Variants in SLK observed in about 807,000 individuals in gnomAD.
SLK encodes STE20 like kinase.
In SLK, 67 loss-of-function variants were observed where a neutral mutation model predicts 147.7. The ratio of observed to expected loss-of-function variants is 0.45; its 90% CI spans 0.37 to 0.56. The LOEUF is 0.56. SLK is among the 20% of genes least tolerant of loss of function. The pLI, the probability that SLK is intolerant of heterozygous loss-of-function variation, is 0.00. For synonymous variants in SLK, 441 were observed against 475.0 expected (o/e 0.93, Z 0.93); for missense variants, 1,136 against 1,438.8 (o/e 0.79, Z 3.41).
In SLK at chr10:104,003,135, G is replaced by A. The variant is rs1356860833; in HGVS notation, c.1957G>A (p.Val653Ile). ...GTCAAGTAGCACTGAAGAAATGGAG[G>A]TCAGAAGTGTGGTGGCTGATACTGA... is the stretch of plus-strand genomic sequence containing the variant. ...TESSSTEEME[V>I]RSVVADTDQK... The change falls in exon 9 of 19, where the codon GTC becomes ATC. Residue 653 changes from valine (V) to isoleucine (I), a missense_variant. Val to Ile is a conservative substitution (Grantham distance 29). Transcript: ENST00000369755. The A allele has an allele frequency of 6.2e-7, 1 of 1,614,122 alleles. No individual in the cohort carries two copies. Among genetic ancestry groups the A allele is most frequent in the Admixed American group, 1.7e-5 (1 of 60,020 alleles).
At chr10:104,017,936 T>G (rs998022157) in intron 13 of SLK, among the ~76,000 whole-genome samples, 1 of 152,196 alleles carries the variant, frequency 6.6e-6, no homozygotes, top group Admixed American at 6.5e-5. Flanking sequence ...GTATGTATCC[T>G]TCTTAGTGAG....
chr10:103,974,193 A>G (rs1843829711), intron 1 of SLK, among the ~76,000 whole-genome samples: 1 of 152,000 alleles, frequency 6.6e-6, no homozygotes, highest in South Asian at 2.1e-4. Flanking sequence ...TCCACCCACC[A>G]CTTCCCCCAA....
intron 18 of SLK, 57 bp downstream of exon 18, chr10:104,021,790 T>G: frequency 1.1e-6 from 1 of 902,434 alleles, no homozygotes; most frequent in Non-Finnish European, 1.8e-6. Context: ...TCTACCCAGC[T>G]ATTGGCTCTT....
intron 1 of SLK, among the ~76,000 whole-genome samples, chr10:103,968,732 CTT>C (rs1416736239): frequency 6.6e-6 from 1 of 152,126 alleles, no homozygotes; most frequent in African/African-American, 2.4e-5. Flanking sequence ...AAGAAAATAA[CTT>C]ATGTTTATAC....
rs144700519 is a variant in SLK at position 103,981,862 on chromosome 10, A to G, written c.151-8813A>G. Among the ~76,000 whole-genome samples, 71 of 152,278 alleles carry G rather than the reference A, an allele frequency of 4.7e-4. No homozygotes were observed. The East Asian group carries it at 0.013, about 28-fold the overall frequency. On this transcript the variant is annotated intron_variant, in intron 1 of 18. Transcript: ENST00000369755. ...TGGGATAGGGTTTTCTATTACTGCA[A>G]AAAATGTCATTGAGATTTTGATAGG... is the stretch of plus-strand genomic sequence containing the variant.
At chr10:104,010,761 G>A in intron 12 of SLK, 55 bp from the exon 13 acceptor site, 1 of 1,153,820 alleles carries the variant, frequency 8.7e-7, no homozygotes, top group Non-Finnish European at 1.2e-6. Flanking sequence ...TCTCATAAAT[G>A]CTTGCTGTGG....
intron 1 of SLK, among the ~76,000 whole-genome samples, chr10:103,982,030 C>T (rs957602982): frequency 6.6e-6 from 1 of 152,030 alleles, no homozygotes; most frequent in Non-Finnish European, 1.5e-5. Flanking sequence ...TTGTACAAGT[C>T]TTTCATCTCC....
chr10:104,005,821 C>T lies in SLK; in HGVS notation c.2481-91C>T, dbSNP rs547487597. The T allele has an allele frequency of 5.7e-5, 86 of 1,507,940 alleles. No homozygotes were observed. The African/African-American group carries it at 8.8e-4, about 15-fold the overall frequency. The allele number at this position is 1,507,940 out of a possible 1,614,324, so 93.4% of individuals were successfully genotyped here. On this transcript the variant is annotated intron_variant, in intron 10 of 18. Transcript: ENST00000369755. ...TTTATTCTTTTACTACCGTTCCACT[C>T]GAAAGAAAATTTTTAAAGCTTTAAA...
At chr10:104,010,737 T>C (rs1375064656) in intron 12 of SLK, 79 bp from the exon 13 acceptor site, 1 of 846,372 alleles carries the variant, frequency 1.2e-6, no homozygotes, top group Non-Finnish European at 1.7e-6. Flanking sequence ...ATATTTGACT[T>C]GTAGCTTATC....
intron 13 of SLK, among the ~76,000 whole-genome samples, chr10:104,016,167 A>C (rs536495309): frequency 1.6e-4 from 24 of 152,144 alleles, no homozygotes; most frequent in Admixed American, 1.4e-3. Context: ...AAAATACAAA[A>C]AATTAGCTGG....
chr10:104,010,675 C>T, intron 12 of SLK, 141 bp from the exon 13 acceptor site: 1 of 451,164 alleles, frequency 2.2e-6, no homozygotes, highest in Non-Finnish European at 3.9e-6. Flanking sequence ...TCTTTTTCAC[C>T]AGACTAACAC....
chr10:104,014,029 C>T (rs115569407), intron 13 of SLK, among the ~76,000 whole-genome samples: 1,613 of 152,206 alleles, frequency 0.011, 24 homozygotes, highest in African/African-American at 0.037. Context: ...ACTTTTAACA[C>T]GGTGTTCTGT....
Position 104,028,051 on chromosome 10 carries a change from G to T in SLK, c.*2331G>T, listed in dbSNP as rs913887701. The T allele has an allele frequency of 1.3e-5, 2 of 152,084 alleles. No individual in the cohort carries two copies. The highest frequency in any genetic ancestry group is 2.9e-5 in the Non-Finnish European group (2 of 68,008). The allele number at this position is 152,084 out of a possible 1,614,324, so 9.4% of individuals were successfully genotyped here. A position where few individuals can be genotyped will look rare whatever the true frequency, so the allele number is the denominator to read the frequency against. On this transcript the variant is annotated 3_prime_UTR_variant, in exon 19 of 19. Coordinates refer to ENST00000369755, the MANE Select transcript of SLK (RefSeq NM_014720.4). ...CAAAAAGTGTTTTGTTATAAAATACGCTGTTTGTACCCATACCAGCCCACC... is the reference window on the plus strand; with the variant it reads ...CAAAAAGTGTTTTGTTATAAAATACTCTGTTTGTACCCATACCAGCCCACC...
At position 104,003,029 on chromosome 10, in the gene SLK, G is replaced by A. The variant is rs1015484849; in HGVS notation, c.1851G>A (p.Lys617=). 21 of 1,613,732 alleles carry A rather than the reference G, an allele frequency of 1.3e-5. No individual in the cohort carries two copies. Among genetic ancestry groups the A allele is most frequent in the Non-Finnish European group, 1.8e-5 (21 of 1,179,834 alleles). ...ATGAAATAGAAGAAGGTAAAAATAAGGAACAAGCAATAAACAGTTCAGAGA... is the reference window on the plus strand; with the variant it reads ...ATGAAATAGAAGAAGGTAAAAATAAAGAACAAGCAATAAACAGTTCAGAGA... ...EMNEIEEGKN[K]EQAINSSENI... Residue 617 remains lysine, a synonymous_variant, in exon 9 of 19, where the codon AAG becomes AAA. Transcript: ENST00000369755.
chr10:104,016,504 C>A (rs919688926), intron 13 of SLK, among the ~76,000 whole-genome samples: 4 of 151,934 alleles, frequency 2.6e-5, no homozygotes, highest in Admixed American at 2.6e-4. Flanking sequence ...TTTAAATATT[C>A]ATTGAAAATT....
At chr10:103,983,960 C>G (rs2134457474) in intron 1 of SLK, among the ~76,000 whole-genome samples, 1 of 152,284 alleles carries the variant, frequency 6.6e-6, no homozygotes, top group African/African-American at 2.4e-5. Context: ...AATCTTTTCC[C>G]TTTGTTCCCA....
rs368524243 is a variant in SLK, at chr10:103,993,139, T to G, written c.514+6T>G. 3 of 1,584,100 alleles carry G rather than the reference T, an allele frequency of 1.9e-6. No individual in the cohort carries two copies. On this transcript the variant is annotated splice_donor_region_variant and intron_variant, in intron 4 of 18. Transcript: ENST00000369755. ...AGATGGAGATATCAAATTGGGTAAG[T>G]TATTCACTTAAATAAAACATTAGAA... is the stretch of plus-strand genomic sequence containing the variant.
intron 1 of SLK, among the ~76,000 whole-genome samples, chr10:103,982,622 A>T (rs1471051858): frequency 6.6e-6 from 1 of 152,188 alleles, no homozygotes; most frequent in African/African-American, 2.4e-5. Flanking sequence ...GATCCTCATT[A>T]TTTGCAGATT....
In SLK at chr10:104,001,644, A is replaced by G. The variant is rs557343242; in HGVS notation, c.993+72A>G. 23 of 1,550,194 alleles carry G rather than the reference A, an allele frequency of 1.5e-5. No homozygotes were observed. The African/African-American group carries it at 3.0e-4, about 20-fold the overall frequency. On this transcript the variant is annotated intron_variant, in intron 8 of 18. Transcript: ENST00000369755. ...TTGAGGTGTAGTTGCTCCTGTATCT[A>G]AGGATTGATGGGTGGCAACGCAAAA...
Sources: gnomAD v4.1 joint callset for allele counts (sites outside exome capture counted in the v4.1 genomes callset) on GRCh38, gnomAD v4.1.1 for gene constraint, MANE v1.5 for transcripts, NCBI Gene and HGNC (gene_info 2026-07-23, HGNC 2026-07-21) for gene names.